GIGYF2: variants seen among roughly 807,000 people sequenced by gnomAD.
GIGYF2 encodes the protein GRB10-interacting GYF protein 2.
Under a neutral mutation model 208.1 loss-of-function variants are expected in GIGYF2, and 25 were observed. The ratio of observed to expected loss-of-function variants is 0.12; its 90% confidence interval spans 0.09 to 0.17. The LOEUF (loss-of-function observed/expected upper bound fraction) is 0.17, where lower values mean the gene tolerates loss of function less well. Ranked by LOEUF, GIGYF2 falls within the 10% of genes least tolerant of loss-of-function variation. The pLI is 1.00. For missense variants in GIGYF2, 1,302 were observed against 1,579.4 expected (o/e 0.82, Z 2.98); for synonymous variants, 534 against 543.8 (o/e 0.98, Z 0.25).
chr2:232,814,189 GATTGGACAATTTTAC>G (rs1371929959), intron 18 of GIGYF2, among the ~76,000 whole-genome samples: 1 of 152,026 alleles, frequency 6.6e-6, no homozygotes, highest in Non-Finnish European at 1.5e-5. Context: ...CCCAACCCAT[GATTGGACAATTTTAC>G]ACGTAAATAC....
chr2:232,840,674 A>C (rs192931743), intron 23 of GIGYF2, among the ~76,000 whole-genome samples: 2 of 152,180 alleles, frequency 1.3e-5, no homozygotes, highest in African/African-American at 4.8e-5. Flanking sequence ...AAAAGTAGAA[A>C]ATGAAGCGTA....
chr2:232,825,911 G>A (rs990284459), intron 21 of GIGYF2, among the ~76,000 whole-genome samples: 1 of 147,008 alleles, frequency 6.8e-6, no homozygotes, highest in Non-Finnish European at 1.5e-5. Context: ...GTGTCCATGT[G>A]TTCTCATTGT....
At chr2:232,760,349 C>G in intron 6 of GIGYF2, 131 bp from the exon 7 acceptor site, 6 of 693,162 alleles carry the variant, frequency 8.7e-6, no homozygotes, top group South Asian at 6.2e-5. Flanking sequence ...GATCATCAGG[C>G]CTCGTTCAGT....
Position 232,791,129 on chromosome 2 carries a change from C to G in GIGYF2, c.1052C>G (p.Thr351Arg). 2 of 1,613,992 alleles carry G rather than the reference C, an allele frequency of 1.2e-6. No individual in the cohort carries two copies. Among genetic ancestry groups the G allele is most frequent in the Non-Finnish European group, 1.7e-6 (2 of 1,179,970 alleles). Residue 351 changes from threonine (T) to arginine (R), a missense_variant, in exon 11 of 29, where the codon ACA (threonine) becomes AGA (arginine). Thr to Arg is a moderately conservative substitution (Grantham distance 71). Coordinates refer to ENST00000373563, the MANE Select transcript of GIGYF2 (RefSeq NM_001103146.3). ...GAAGAGGCCAAAGAACCCGATAAGACAAATAAGAAAGAAGGAGAGAAAACA... is the reference window on the plus strand; with the variant it reads ...GAAGAGGCCAAAGAACCCGATAAGAGAAATAAGAAAGAAGGAGAGAAAACA... ...HNEEAKEPDK[T>R]NKKEGEKTDR...
intron 21 of GIGYF2, among the ~76,000 whole-genome samples, chr2:232,830,456 T>C (rs1416929701): frequency 1.3e-5 from 2 of 152,172 alleles, no homozygotes; most frequent in African/African-American, 4.8e-5. Flanking sequence ...TGGTAGACTT[T>C]ATTTTCAGAA....
chr2:232,799,078 A>C (rs1424735476), intron 14 of GIGYF2, among the ~76,000 whole-genome samples: 1 of 151,884 alleles, frequency 6.6e-6, no homozygotes, highest in Non-Finnish European at 1.5e-5. Context: ...TGACTGGCTT[A>C]TTTCACTTAG....
intron 21 of GIGYF2, among the ~76,000 whole-genome samples, chr2:232,828,439 G>C (rs563731957): frequency 1.7e-4 from 25 of 151,274 alleles, no homozygotes; most frequent in Non-Finnish European, 3.4e-4. Context: ...TTCTGGGTGG[G>C]GTTTTTTGTT....
chr2:232,767,881 TCA>T (rs764819404), intron 8 of GIGYF2: 6 of 345,088 alleles, frequency 1.7e-5, no homozygotes, highest in Non-Finnish European at 2.7e-5. Flanking sequence ...GTGTTAAACT[TCA>T]CTGTCCATTT....
At chr2:232,791,197 T>A (rs1700060248) in intron 11 of GIGYF2, 27 bp downstream of exon 11, 3 of 1,613,884 alleles carry the variant, frequency 1.9e-6, no homozygotes, top group African/African-American at 2.7e-5. Context: ...CCCTTTGCCT[T>A]TTTTTTCCTC....
intron 28 of GIGYF2, among the ~76,000 whole-genome samples, chr2:232,851,716 G>A (rs1170896766): frequency 6.6e-6 from 1 of 152,114 alleles, no homozygotes; most frequent in Non-Finnish European, 1.5e-5. Flanking sequence ...CGCCACGCCC[G>A]GCCCTAAAAT....
At chr2:232,737,736 C>G (rs1326953329) in intron 3 of GIGYF2, among the ~76,000 whole-genome samples, 1 of 151,970 alleles carries the variant, frequency 6.6e-6, no homozygotes, top group African/African-American at 2.4e-5. Flanking sequence ...GACAGAAGCA[C>G]TAAGTGATAC....
intron 2 of GIGYF2, among the ~76,000 whole-genome samples, chr2:232,729,052 C>T (rs975388660): frequency 2.6e-5 from 4 of 152,132 alleles, no homozygotes; most frequent in Non-Finnish European, 4.4e-5. Context: ...GAACAAGGCT[C>T]ACTGCAGTCT....
chr2:232,757,313 A>G (rs1387332043), intron 6 of GIGYF2, among the ~76,000 whole-genome samples: 3 of 152,144 alleles, frequency 2.0e-5, no homozygotes, highest in African/African-American at 2.4e-5. Context: ...ACTATTACAT[A>G]GTTGTGTTTT....
intron 27 of GIGYF2, among the ~76,000 whole-genome samples, 161 bp from the exon 28 acceptor site, chr2:232,850,101 T>C (rs558889611): frequency 6.6e-6 from 1 of 152,354 alleles, no homozygotes; most frequent in South Asian, 2.1e-4. Context: ...GGTGGCTCAG[T>C]GGCCGCTCTT....
intron 19 of GIGYF2, among the ~76,000 whole-genome samples, chr2:232,816,323 G>A (rs776841988): frequency 1.3e-5 from 2 of 152,162 alleles, no homozygotes; most frequent in African/African-American, 2.4e-5. Flanking sequence ...TGTTGTTGCT[G>A]TTTTATACTT....
intron 23 of GIGYF2, among the ~76,000 whole-genome samples, chr2:232,842,010 A>AT (rs1559164109): frequency 3.0e-4 from 46 of 151,716 alleles, no homozygotes; most frequent in African/African-American, 9.4e-4. Context: ...TTTAAAAAAA[A>AT]ATTTTTTTTT....
intron 12 of GIGYF2, 58 bp from the exon 13 acceptor site, chr2:232,794,690 T>C: frequency 7.6e-7 from 1 of 1,321,868 alleles, no homozygotes; most frequent in Non-Finnish European, 1.1e-6. Context: ...ATAATGTAGT[T>C]AGCCTTCACA....
In GIGYF2 at chr2:232,820,940, C is replaced by T. The variant is rs539071166; in HGVS notation, c.2529+955C>T. ...CCACCTCCCCAGCTCAAGCGATTCTCGTGTCTAAGCCTCCCAAGTACCTGG... is the reference window on the plus strand; with the variant it reads ...CCACCTCCCCAGCTCAAGCGATTCTTGTGTCTAAGCCTCCCAAGTACCTGG... On this transcript the variant is annotated intron_variant, in intron 21 of 28. Transcript: ENST00000373563. Among the ~76,000 whole-genome samples, 8 of 150,686 alleles carry T rather than the reference C, an allele frequency of 5.3e-5. No individual in the cohort carries two copies. The South Asian group carries it at 1.5e-3, about 28-fold the overall frequency.
intron 5 of GIGYF2, among the ~76,000 whole-genome samples, chr2:232,753,769 T>C (rs895292582): frequency 2.0e-5 from 3 of 152,016 alleles, no homozygotes; most frequent in African/African-American, 7.3e-5. Context: ...TCCCAGGGAG[T>C]TTGGCCTCTC....
Sources: allele counts gnomAD v4.1 joint callset (sites outside exome capture counted in the v4.1 genomes callset), GRCh38; gene constraint gnomAD v4.1.1; transcripts MANE v1.5; gene names NCBI Gene and HGNC (gene_info 2026-07-23, HGNC 2026-07-21).